DEPDC7: variants seen among roughly 807,000 people sequenced by gnomAD.
DEPDC7 encodes the protein DEP domain-containing protein 7.
Under a neutral mutation model 56.6 loss-of-function variants are expected in DEPDC7, and 41 were observed. That is an observed-to-expected ratio of 0.72 (90% CI 0.56 to 0.94). The LOEUF is 0.94. Among genes scored for constraint, DEPDC7 ranks in the 40% least tolerant of loss-of-function variants. The pLI is 0.00. For synonymous variants in DEPDC7, 185 were observed against 208.8 expected, an observed-to-expected ratio of 0.89 and a Z score of 0.98; for missense variants, 522 against 596.3, an observed-to-expected ratio of 0.88 and a Z score of 1.30.
Position 33,033,469 on chromosome 11 carries a change from G to T in DEPDC7, c.*14G>T. The T allele has an allele frequency of 1.4e-6, 2 of 1,455,800 alleles. No individual in the cohort carries two copies. Among genetic ancestry groups the T allele is most frequent in the African/African-American group, 1.4e-5 (1 of 69,244 alleles). 90.2% of individuals were successfully genotyped at this position (1,455,800 alleles called of 1,614,324 possible). A position where few individuals can be genotyped will look rare whatever the true frequency, so the allele number is the denominator to read the frequency against. Reference sequence around the variant, plus strand: ...TTTGGAGACTGAGTTTTTAATATCTGTATATAAGTTGTGTATTTTAAGAAT... The same window carrying T: ...TTTGGAGACTGAGTTTTTAATATCTTTATATAAGTTGTGTATTTTAAGAAT... On this transcript the variant is annotated 3_prime_UTR_variant, in exon 9 of 9. Coordinates refer to ENST00000241051, the MANE Select transcript of DEPDC7 (RefSeq NM_001077242.2).
intron 2 of DEPDC7, chr11:33,026,559 C>G (rs147952849): frequency 5.4e-6 from 1 of 184,468 alleles, no homozygotes; most frequent in Non-Finnish European, 1.2e-5. Context: ...ATAATTGAAG[C>G]TCTTATATCA....
intron 1 of DEPDC7, among the ~76,000 whole-genome samples, chr11:33,018,201 A>G (rs757221666): frequency 6.6e-6 from 1 of 152,204 alleles, no homozygotes; most frequent in Non-Finnish European, 1.5e-5. Context: ...AAAGTGTTGT[A>G]ATCTTGGGAT....
rs983391002 is a variant in DEPDC7 at position 33,024,618 on chromosome 11, C to G, written c.74-1041C>G. Reference sequence around the variant, plus strand: ...TAGCCTGTTGCTCTTAGGCCACAAACCTGCAGAGCTATACTGAATGCTGTA... The same window carrying G: ...TAGCCTGTTGCTCTTAGGCCACAAAGCTGCAGAGCTATACTGAATGCTGTA... On this transcript the variant is annotated intron_variant, in intron 1 of 8. Transcript: ENST00000241051. Among the ~76,000 whole-genome samples the G allele has an allele frequency of 2.2e-4, 34 of 152,126 alleles. 1 individual carries two copies. Among genetic ancestry groups the G allele is most frequent in the Admixed American group, 2.2e-3 (34 of 15,268 alleles).
intron 1 of DEPDC7, among the ~76,000 whole-genome samples, chr11:33,017,666 G>A (rs1682817811): frequency 6.6e-6 from 1 of 152,158 alleles, no homozygotes; most frequent in African/African-American, 2.4e-5. Flanking sequence ...AGTGAGCAAG[G>A]TAGTGGGAGC....
chr11:33,022,599 A>C (rs540973666), intron 1 of DEPDC7, among the ~76,000 whole-genome samples: 1 of 152,336 alleles, frequency 6.6e-6, no homozygotes, highest in Non-Finnish European at 1.5e-5. Context: ...TTAAGCAGAA[A>C]TTGTTTATTT....
At chr11:33,020,979 T>G in intron 1 of DEPDC7, among the ~76,000 whole-genome samples, 1 of 152,190 alleles carries the variant, frequency 6.6e-6, no homozygotes, top group East Asian at 1.9e-4. Flanking sequence ...CTGGGTGTGG[T>G]GGCTCACACC....
chr11:33,018,892 C>A (rs534079016), intron 1 of DEPDC7, among the ~76,000 whole-genome samples: 1 of 152,260 alleles, frequency 6.6e-6, no homozygotes, highest in African/African-American at 2.4e-5. Context: ...TTTAGTGATA[C>A]ATCTGTTAAT....
chr11:33,028,817 TTGAG>T, intron 4 of DEPDC7, 25 bp downstream of exon 4: 1 of 1,541,866 alleles, frequency 6.5e-7, no homozygotes. Context: ...ATATAATAAT[TTGAG>T]TGTGTTTGTA....
At chr11:33,021,265 A>G (rs182062828) in intron 1 of DEPDC7, among the ~76,000 whole-genome samples, 1 of 152,122 alleles carries the variant, frequency 6.6e-6, no homozygotes, top group East Asian at 1.9e-4. Flanking sequence ...AAAAAAAAGA[A>G]AAAAAAGAAA....
Position 33,027,759 on chromosome 11 carries a change from T to C in DEPDC7, c.538T>C (p.Leu180=). The change falls in exon 3 of 9, where the codon TTA becomes CTA. Residue 180 remains leucine, a synonymous_variant. Coordinates refer to ENST00000241051, the MANE Select transcript of DEPDC7 (RefSeq NM_001077242.2). ...SLEDLWENLS[L]KPANSPHVNI... ...AGAGGACCTGTGGGAAAATCTGAGT[T>C]TAAAGCCTGCCAACTCCCCTCATGT... The C allele has an allele frequency of 1.9e-6, 3 of 1,578,640 alleles. No homozygotes were observed. Among genetic ancestry groups the C allele is most frequent in the Non-Finnish European group, 2.6e-6 (3 of 1,166,810 alleles).
rs1554938287 is a variant in DEPDC7, at chr11:33,026,012, C to T, written c.427C>T (p.Gln143Ter). The T allele has an allele frequency of 6.2e-7, 1 of 1,613,936 alleles. No homozygotes were observed. Among genetic ancestry groups the T allele is most frequent in the Admixed American group, 1.7e-5 (1 of 60,018 alleles). Residue 143 changes from glutamine (Q) to a stop codon, truncating the protein, a stop_gained, in exon 2 of 9, where the codon CAG (glutamine) becomes TAG (stop). Coordinates refer to ENST00000241051, the MANE Select transcript of DEPDC7 (RefSeq NM_001077242.2). LOFTEE classifies it high-confidence loss of function. ...CACCACAATACCTAACCAAGACAGT[C>T]AGTTAGGCAAAGAGAACAAACTATA... ...RFTTIPNQDS[Q>*]LGKENKLYSP...
intron 4 of DEPDC7, among the ~76,000 whole-genome samples, chr11:33,030,327 A>G (rs1376399744): frequency 6.6e-6 from 1 of 152,200 alleles, no homozygotes; most frequent in Non-Finnish European, 1.5e-5. Flanking sequence ...TCATCTTATC[A>G]TATAAAGTTG....
intron 1 of DEPDC7, 74 bp downstream of exon 1, chr11:33,016,102 C>G: frequency 7.8e-7 from 1 of 1,276,200 alleles, no homozygotes; most frequent in Non-Finnish European, 9.9e-7. Flanking sequence ...CGGCGCGGGG[C>G]GGGCGGCGTG....
At chr11:33,016,544 G>A in intron 1 of DEPDC7, 1 of 1,614,234 alleles carries the variant, frequency 6.2e-7, no homozygotes, top group Non-Finnish European at 8.5e-7. Context: ...GGAGGGATGA[G>A]AGGTTTATGT....
intron 2 of DEPDC7, among the ~76,000 whole-genome samples, chr11:33,027,214 G>C (rs1426630514): frequency 6.6e-6 from 1 of 152,112 alleles, no homozygotes; most frequent in African/African-American, 2.4e-5. Context: ...ATATACTACC[G>C]GGATAAATTA....
intron 4 of DEPDC7, among the ~76,000 whole-genome samples, chr11:33,030,297 G>T (rs766609581): frequency 6.6e-6 from 1 of 152,044 alleles, no homozygotes; most frequent in Non-Finnish European, 1.5e-5. Context: ...CAGAATTTGC[G>T]CTAGAAGTGA....
In DEPDC7 at chr11:33,028,732, C is replaced by T; in HGVS notation, c.722C>T (p.Thr241Ile). The T allele has an allele frequency of 1.9e-6, 3 of 1,613,876 alleles. No individual in the cohort carries two copies. Among genetic ancestry groups the T allele is most frequent in the African/African-American group, 2.7e-5 (2 of 75,030 alleles). The part of the protein sequence containing the change: ...PKIPQPKRQS[T>I]MVNSSNYLDR... ...ATTCCTCAACCTAAGAGGCAGTCCACCATGGTCAACAGCAGTAACTATCTG... is the reference window on the plus strand; with the variant it reads ...ATTCCTCAACCTAAGAGGCAGTCCATCATGGTCAACAGCAGTAACTATCTG... Residue 241 changes from threonine to isoleucine, a missense_variant, in exon 4 of 9, where the codon ACC becomes ATC. Transcript: ENST00000241051.
At chr11:33,018,879 G>T (rs1415603916) in intron 1 of DEPDC7, among the ~76,000 whole-genome samples, 2 of 152,126 alleles carry the variant, frequency 1.3e-5, no homozygotes, top group Non-Finnish European at 2.9e-5. Context: ...TGCTCCTTTT[G>T]TTTTTAGTGA....
rs1257255530 is a variant in DEPDC7 at position 33,033,316 on chromosome 11, A to G, written c.1397A>G (p.Lys466Arg). The stretch of plus-strand genomic sequence containing the variant: ...CGTGACTATTCCAACAATACAGAGA[A>G]GACAACCAAAGATGAGCTGTTGAAT... ...DQRDYSNNTE[K>R]TTKDELLNLL... The change falls in exon 9 of 9, where the codon AAG becomes AGG. Residue 466 changes from lysine (K) to arginine (R), a missense_variant. Lys to Arg is a conservative substitution (Grantham distance 26). Transcript: ENST00000241051. The G allele has an allele frequency of 6.2e-7, 1 of 1,608,288 alleles. No homozygotes were observed. Among genetic ancestry groups the G allele is most frequent in the Non-Finnish European group, 8.5e-7 (1 of 1,178,310 alleles).
Sources: gnomAD v4.1 joint callset for allele counts (sites outside exome capture counted in the v4.1 genomes callset) on GRCh38, gnomAD v4.1.1 for gene constraint, MANE v1.5 for transcripts, NCBI Gene and HGNC (gene_info 2026-07-23, HGNC 2026-07-21) for gene names.